RNF144A: variants seen among roughly 807,000 people sequenced by gnomAD.
RNF144A encodes E3 ubiquitin-protein ligase RNF144A.
Under a neutral mutation model 38.7 loss-of-function variants are expected in RNF144A, and 11 were observed. The ratio of observed to expected loss-of-function variants is 0.28; its 90% CI spans 0.18 to 0.47. The LOEUF (loss-of-function observed/expected upper bound fraction) is 0.47, where lower values mean the gene tolerates loss of function less well. Among genes scored for constraint, RNF144A ranks in the 20% least tolerant of loss-of-function variants. The probability of loss-of-function intolerance (pLI) is 0.99; values close to 1 mark genes in which losing one functional copy is unlikely to be tolerated. For synonymous variants in RNF144A, 149 were observed against 143.9 expected (o/e 1.04, Z -0.25); for missense variants, 316 against 377.2 (o/e 0.84, Z 1.34).
chr2:7,063,991 G>T (rs529223015), intron 6 of RNF144A, among the ~76,000 whole-genome samples: 2 of 152,328 alleles, frequency 1.3e-5, no homozygotes, highest in East Asian at 3.9e-4. Context: ...GGTACCCATG[G>T]TGGAAAGTGG....
chr2:6,997,761 G>A (rs934421850), intron 3 of RNF144A, among the ~76,000 whole-genome samples: 3 of 152,186 alleles, frequency 2.0e-5, no homozygotes, highest in African/African-American at 4.8e-5. Flanking sequence ...CATAGAAGCC[G>A]GAAGTAGGAC....
At chr2:7,016,104 T>TAAAAA (rs35418947) in intron 5 of RNF144A, among the ~76,000 whole-genome samples, 3 of 115,052 alleles carry the variant, frequency 2.6e-5, no homozygotes, top group South Asian at 2.8e-4. Flanking sequence ...ACCCCGTCTC[T>TAAAAA]AAAAAAAAAA....
At chr2:6,953,218 G>A (rs145298656) in intron 2 of RNF144A, among the ~76,000 whole-genome samples, 5,831 of 152,258 alleles carry the variant, frequency 0.038, 161 homozygotes, top group Non-Finnish European at 0.058. Context: ...CCTGAGGTCA[G>A]GAGCTTGAGA....
chr2:7,058,494 T>G (rs1269870067), intron 6 of RNF144A, among the ~76,000 whole-genome samples: 1 of 152,220 alleles, frequency 6.6e-6, no homozygotes, highest in Non-Finnish European at 1.5e-5. Flanking sequence ...ACTCTCCATC[T>G]ATATCCATTC....
intron 2 of RNF144A, among the ~76,000 whole-genome samples, chr2:6,983,675 G>C (rs369056725): frequency 6.6e-6 from 1 of 152,068 alleles, no homozygotes. Context: ...GCCTTGTACC[G>C]GAATCCTCCT....
downstream of RNF144A, among the ~76,000 whole-genome samples, chr2:7,045,282 T>A (rs192175195): frequency 7.9e-5 from 12 of 152,146 alleles, no homozygotes; most frequent in Non-Finnish European, 1.3e-4. Flanking sequence ...GAGGAGTGAG[T>A]TAGGGTCCTA....
At chr2:7,027,090 C>T (rs182720732) in intron 7 of RNF144A, among the ~76,000 whole-genome samples, 7 of 152,290 alleles carry the variant, frequency 4.6e-5, no homozygotes, top group East Asian at 1.9e-4. Flanking sequence ...GGGCTTGCCA[C>T]GGAGCTTTTC....
At chr2:7,007,377 G>A (rs1457507157) in intron 3 of RNF144A, among the ~76,000 whole-genome samples, 5 of 152,154 alleles carry the variant, frequency 3.3e-5, no homozygotes, top group Non-Finnish European at 5.9e-5. Flanking sequence ...TTAACCCTCT[G>A]CTGTTAGACA....
At chr2:6,976,729 GA>G (rs1453677197) in intron 2 of RNF144A, among the ~76,000 whole-genome samples, 1 of 151,326 alleles carries the variant, frequency 6.6e-6, no homozygotes, top group Non-Finnish European at 1.5e-5. Context: ...ACTCTCATAA[GA>G]AATGATTTTG....
At chr2:6,988,189 G>A (rs1270548121) in intron 2 of RNF144A, among the ~76,000 whole-genome samples, 1 of 152,202 alleles carries the variant, frequency 6.6e-6, no homozygotes, top group East Asian at 1.9e-4. Flanking sequence ...TTTAGAAAAT[G>A]ACGCAGGTAG....
chr2:7,056,554 C>G (rs1306326462), intron 6 of RNF144A, among the ~76,000 whole-genome samples: 1 of 152,204 alleles, frequency 6.6e-6, no homozygotes, highest in Non-Finnish European at 1.5e-5. Flanking sequence ...CTGAGGGTAT[C>G]TTGGCTCTTA....
chr2:6,919,098 C>T (rs1329754797), intron 1 of RNF144A, among the ~76,000 whole-genome samples: 1 of 151,618 alleles, frequency 6.6e-6, no homozygotes, highest in Non-Finnish European at 1.5e-5. Flanking sequence ...GCTGTGGGAG[C>T]CCCCAGGAGG....
intron 6 of RNF144A, among the ~76,000 whole-genome samples, chr2:7,063,505 T>A (rs1330924623): frequency 6.6e-6 from 1 of 152,040 alleles, no homozygotes; most frequent in Non-Finnish European, 1.5e-5. Flanking sequence ...AGGAAAGTAA[T>A]TAGGGTGGGA....
intron 2 of RNF144A, among the ~76,000 whole-genome samples, chr2:6,947,527 A>G (rs762202130): frequency 6.6e-5 from 10 of 152,206 alleles, no homozygotes; most frequent in Non-Finnish European, 1.3e-4. Flanking sequence ...AAGTTTCTAC[A>G]TATATAAAAT....
chr2:7,019,639 G>C (rs309307), intron 5 of RNF144A, among the ~76,000 whole-genome samples: 68,839 of 152,046 alleles, frequency 0.45, 16,633 homozygotes, highest in South Asian at 0.76. Flanking sequence ...GGTGGCCACT[G>C]ATCGAGAATT....
In RNF144A at chr2:7,030,103, G is replaced by A. The variant is rs369937188; in HGVS notation, c.658-23G>A. The A allele has an allele frequency of 3.5e-5, 55 of 1,557,842 alleles. No homozygotes were observed. The African/African-American group carries it at 5.7e-4, about 16-fold the overall frequency. On this transcript the variant is annotated intron_variant, in intron 7 of 8. Transcript: ENST00000320892. Reference sequence around the variant, plus strand: ...TGAGCAGGAACCACTCGTTCATGCCGTCTCTGTCTCTGCCCCTCACAGGAT... The same window carrying A: ...TGAGCAGGAACCACTCGTTCATGCCATCTCTGTCTCTGCCCCTCACAGGAT...
At chr2:6,930,841 A>G (rs1185531857) in intron 1 of RNF144A, among the ~76,000 whole-genome samples, 1 of 151,884 alleles carries the variant, frequency 6.6e-6, no homozygotes, top group Non-Finnish European at 1.5e-5. Context: ...CAATTCTCTC[A>G]CCTCGGCCTC....
intron 2 of RNF144A, among the ~76,000 whole-genome samples, chr2:6,984,583 T>A (rs1668838914): frequency 2.0e-5 from 3 of 152,252 alleles, no homozygotes; most frequent in Admixed American, 2.0e-4. Context: ...ATTACAGGCG[T>A]GAGCCACCGC....
In RNF144A at chr2:6,976,195, T is replaced by C. The variant is rs73141610; in HGVS notation, c.-11-20721T>C. Among the ~76,000 whole-genome samples the C allele has an allele frequency of 6.8e-3, 1,037 of 152,328 alleles. 13 individuals carry two copies. Among genetic ancestry groups the C allele is most frequent in the African/African-American group, 0.024 (981 of 41,582 alleles). On this transcript the variant is annotated intron_variant, in intron 2 of 8. Transcript: ENST00000320892. ...ATATATTGACATTTTCCCCATTTCA[T>C]GTGTTATATCATTTTGAACTCCAGC...
Sources: allele counts gnomAD v4.1 joint callset (sites outside exome capture counted in the v4.1 genomes callset), GRCh38; gene constraint gnomAD v4.1.1; transcripts MANE v1.5; gene names NCBI Gene and HGNC (gene_info 2026-07-23, HGNC 2026-07-21).